The following GATAD2A variants were observed in gnomAD, a reference collection of about 807,000 sequenced individuals.
GATAD2A encodes GATA zinc finger domain containing 2A, also known as transcriptional repressor p66-alpha.
A neutral mutation model predicts 68.5 loss-of-function variants in GATAD2A; 12 were observed. The observed-to-expected ratio is 0.18, with a 90% CI of 0.11 to 0.28. The LOEUF (loss-of-function observed/expected upper bound fraction) is 0.28, where lower values mean the gene tolerates loss of function less well. GATAD2A is among the 10% of genes least tolerant of loss of function. GATAD2A has a pLI of 1.00. For missense variants in GATAD2A, 755 were observed against 868.5 expected, an observed-to-expected ratio of 0.87 and a Z score of 1.64; for synonymous variants, 410 against 375.3, an observed-to-expected ratio of 1.09 and a Z score of -1.07.
At chr19:19,433,825 A>T (rs948999781) in intron 1 of GATAD2A, among the ~76,000 whole-genome samples, 2 of 152,158 alleles carry the variant, frequency 1.3e-5, no homozygotes, top group African/African-American at 4.8e-5. Context: ...CCCAGGCAGG[A>T]ATGCAGTGGC....
Position 19,484,529 on chromosome 19 carries a change from T to TTC in GATAD2A, c.270-7776_270-7775insCT, listed in dbSNP as rs1288619215. Among the ~76,000 whole-genome samples, 225 of 145,484 alleles carry TTC rather than the reference T, an allele frequency of 1.5e-3. 3 individuals carry two copies. The highest frequency in any genetic ancestry group is 3.8e-3 in the African/African-American group (147 of 38,718). Reference sequence around the variant, plus strand: ...GGATTTTTCTTTTTCTTTTTTTTTTTTTCTTTTTTTTTTTTTTTTTTGAGA... The same window carrying TTC: ...GGATTTTTCTTTTTCTTTTTTTTTTTTCTTCTTTTTTTTTTTTTTTTTTGAGA... On this transcript the variant is annotated intron_variant, in intron 2 of 11. Transcript: ENST00000683918.
intron 1 of GATAD2A, among the ~76,000 whole-genome samples, chr19:19,422,579 T>C (rs1380072961): frequency 1.3e-5 from 2 of 152,204 alleles, no homozygotes; most frequent in Non-Finnish European, 2.9e-5. Flanking sequence ...CAGTTGACAG[T>C]TCTGTGAAAC....
In GATAD2A at chr19:19,453,234, G is replaced by T. The variant is rs117443459; in HGVS notation, c.-6-12106G>T. 2.6e-5 allele frequency among the ~76,000 whole-genome samples: 4 copies of T among 152,284 alleles called. No individual in the cohort carries two copies. In the East Asian group the frequency reaches 7.7e-4, roughly 29 times the overall value. Reference sequence around the variant, plus strand: ...GCTTTGGTGTGATTCTCGGGCACCTGTGCTTAGGGAGTGCTTGTTTCTGTA... The same window carrying T: ...GCTTTGGTGTGATTCTCGGGCACCTTTGCTTAGGGAGTGCTTGTTTCTGTA... On this transcript the variant is annotated intron_variant, in intron 1 of 11. Coordinates refer to ENST00000683918, the MANE Select transcript of GATAD2A (RefSeq NM_001384528.1).
At chr19:19,398,092 G>T (rs1197064678) in intron 1 of GATAD2A, among the ~76,000 whole-genome samples, 1 of 151,910 alleles carries the variant, frequency 6.6e-6, no homozygotes, top group African/African-American at 2.4e-5. Flanking sequence ...TAGTAGAGAT[G>T]GGGTTTCTCC....
At chr19:19,399,842 G>GAGT (rs1461050210) in intron 1 of GATAD2A, among the ~76,000 whole-genome samples, 1 of 152,154 alleles carries the variant, frequency 6.6e-6, no homozygotes, top group Non-Finnish European at 1.5e-5. Context: ...AACAAATGGG[G>GAGT]AGTAGGGTGT....
chr19:19,399,443 G>C (rs2049533501), intron 1 of GATAD2A, among the ~76,000 whole-genome samples: 2 of 152,140 alleles, frequency 1.3e-5, no homozygotes, highest in Non-Finnish European at 1.5e-5. Context: ...TGCCCGCCTG[G>C]GTCTCCCAAA....
At chr19:19,412,347 G>A (rs188898806) in intron 1 of GATAD2A, among the ~76,000 whole-genome samples, 8 of 151,824 alleles carry the variant, frequency 5.3e-5, no homozygotes, top group African/African-American at 1.9e-4. Context: ...AGTAGAGACG[G>A]GGTTTCACCA....
At chr19:19,503,360 G>T (rs1488574840) in intron 11 of GATAD2A, among the ~76,000 whole-genome samples, 1 of 152,050 alleles carries the variant, frequency 6.6e-6, no homozygotes, top group East Asian at 1.9e-4. Flanking sequence ...AGCCTGCTGA[G>T]CCTGCCGCTG....
At chr19:19,439,395 T>C (rs547599303) in intron 1 of GATAD2A, among the ~76,000 whole-genome samples, 2 of 152,246 alleles carry the variant, frequency 1.3e-5, no homozygotes, top group South Asian at 4.1e-4. Context: ...TGCTCAGTCT[T>C]TCTAATATAA....
chr19:19,417,425 A>C (rs2051788964), intron 1 of GATAD2A, among the ~76,000 whole-genome samples: 1 of 152,146 alleles, frequency 6.6e-6, no homozygotes, highest in Non-Finnish European at 1.5e-5. Context: ...GAGAAGAGAG[A>C]TGATTTTTCT....
chr19:19,394,904 C>T (rs1268256659), intron 1 of GATAD2A, among the ~76,000 whole-genome samples: 1 of 152,134 alleles, frequency 6.6e-6, no homozygotes, highest in Admixed American at 6.5e-5. Context: ...TGGGCACAGC[C>T]TCGAGGGCAA....
chr19:19,439,202 A>C (rs531516038), intron 1 of GATAD2A, among the ~76,000 whole-genome samples: 88 of 152,366 alleles, frequency 5.8e-4, no homozygotes, highest in Admixed American at 3.9e-3. Context: ...GCACAGGGGC[A>C]GTCTTGCCTG....
intron 1 of GATAD2A, among the ~76,000 whole-genome samples, chr19:19,431,126 T>TA (rs2053698465): frequency 1.3e-5 from 2 of 152,000 alleles, no homozygotes; most frequent in South Asian, 4.2e-4. Flanking sequence ...GATACTGCTT[T>TA]AAATGTATGG....
intron 2 of GATAD2A, among the ~76,000 whole-genome samples, 188 bp downstream of exon 2, chr19:19,465,802 T>G (rs1600204361): frequency 6.6e-6 from 1 of 152,162 alleles, no homozygotes. Flanking sequence ...GGGCCCCAGG[T>G]CCCAACTGCA....
At position 19,454,735 on chromosome 19, in the gene GATAD2A, C is replaced by G. The variant is rs902612960; in HGVS notation, c.-6-10605C>G. 5.3e-5 allele frequency among the ~76,000 whole-genome samples: 7 copies of G among 130,860 alleles called. 1 individual carries two copies. The highest frequency in any genetic ancestry group is 8.5e-5 in the Non-Finnish European group (5 of 58,816). The allele number at this position is 130,860 out of a possible 152,430, so 85.8% of individuals were successfully genotyped here. A position where few individuals can be genotyped will look rare whatever the true frequency, so the allele number is the denominator to read the frequency against. On this transcript the variant is annotated intron_variant, in intron 1 of 11. Coordinates refer to ENST00000683918, the MANE Select transcript of GATAD2A (RefSeq NM_001384528.1). ...ACAGGTGTGAGCCACTGTGCCCCCC[C>G]CCACCCCCTTAGGTTTCTGTTTTTG...
chr19:19,461,308 CAG>C (rs1407387266), intron 1 of GATAD2A, among the ~76,000 whole-genome samples: 1 of 151,794 alleles, frequency 6.6e-6, no homozygotes, highest in South Asian at 2.1e-4. Flanking sequence ...ATTGTGATCT[CAG>C]GGGTTTGGTT....
chr19:19,389,290 T>G (rs2048680063), intron 1 of GATAD2A, among the ~76,000 whole-genome samples: 1 of 152,194 alleles, frequency 6.6e-6, no homozygotes, highest in Non-Finnish European at 1.5e-5. Context: ...AGAGTTTGAC[T>G]GAAGTAGAGT....
At chr19:19,465,951 T>C (rs2057832206) in intron 2 of GATAD2A, among the ~76,000 whole-genome samples, 1 of 152,210 alleles carries the variant, frequency 6.6e-6, no homozygotes, top group South Asian at 2.1e-4. Flanking sequence ...ACTTGAGTTA[T>C]TCATTTGGTT....
At chr19:19,478,302 G>GA (rs2058811413) in intron 2 of GATAD2A, among the ~76,000 whole-genome samples, 1 of 152,232 alleles carries the variant, frequency 6.6e-6, no homozygotes, top group East Asian at 1.9e-4. Context: ...TACTGTGTTA[G>GA]AAAATTTGAA....
Sources: allele counts gnomAD v4.1 joint callset (sites outside exome capture counted in the v4.1 genomes callset), GRCh38; gene constraint gnomAD v4.1.1; transcripts MANE v1.5; gene names NCBI Gene and HGNC (gene_info 2026-07-23, HGNC 2026-07-21).